ZNF215: variants seen among roughly 807,000 people sequenced by gnomAD.
The protein encoded by ZNF215 is zinc finger protein 215.
Under a neutral mutation model 27.2 loss-of-function variants are expected in ZNF215, and 24 were observed. The ratio of observed to expected loss-of-function variants is 0.88; its 90% CI spans 0.64 to 1.24. The LOEUF is 1.24. Among genes scored for constraint, ZNF215 ranks in the 50% most tolerant of loss-of-function variants. ZNF215 has a pLI of 0.00. For missense variants in ZNF215, 675 were observed against 605.7 expected (o/e 1.11, Z -1.20); for synonymous variants, 210 against 204.0 (o/e 1.03, Z -0.25).
At chr11:6,991,786 T>C (rs1172007655), downstream of ZNF215, among the ~76,000 whole-genome samples, 3 of 152,218 alleles carry the variant, frequency 2.0e-5, no homozygotes, top group Non-Finnish European at 4.4e-5. Context: ...CATTTGGTAA[T>C]ATTTTAATAC....
At chr11:6,989,859 C>T (rs996614679), downstream of ZNF215, among the ~76,000 whole-genome samples, 2 of 152,132 alleles carry the variant, frequency 1.3e-5, no homozygotes, top group African/African-American at 4.8e-5. Context: ...TGAGTATGCC[C>T]AGATAAACCA....
chr11:6,978,824 T>A (rs1850885469), intron 5 of ZNF215, among the ~76,000 whole-genome samples: 1 of 152,080 alleles, frequency 6.6e-6, no homozygotes, highest in Non-Finnish European at 1.5e-5. Flanking sequence ...TAATAAAATG[T>A]TGGAAATGTG....
chr11:6,983,789 A>G (rs79925733), intron 5 of ZNF215, among the ~76,000 whole-genome samples: 259 of 152,292 alleles, frequency 1.7e-3, no homozygotes, highest in African/African-American at 5.9e-3. Flanking sequence ...AAGTGCTAAT[A>G]TCTCTAACAT....
At chr11:6,945,759 A>G (rs1200108007) in intron 6 of ZNF215, among the ~76,000 whole-genome samples, 3 of 152,212 alleles carry the variant, frequency 2.0e-5, no homozygotes. Context: ...GAGTTTGTCA[A>G]TATTTAATCT....
At chr11:6,965,916 C>G (rs1442702590) in intron 5 of ZNF215, among the ~76,000 whole-genome samples, 1 of 152,078 alleles carries the variant, frequency 6.6e-6, no homozygotes, top group Non-Finnish European at 1.5e-5. Context: ...TAGACTAATG[C>G]TGGTATAATT....
chr11:6,962,859 C>T (rs751279712), downstream of ZNF215, among the ~76,000 whole-genome samples: 13 of 152,108 alleles, frequency 8.5e-5, no homozygotes, highest in Admixed American at 3.3e-4. Context: ...TTACCAATGA[C>T]GCTGATTGTA....
chr11:6,961,907 C>G (rs553652290), downstream of ZNF215, among the ~76,000 whole-genome samples: 1 of 152,224 alleles, frequency 6.6e-6, no homozygotes, highest in Admixed American at 6.5e-5. Context: ...GCCAATGTTT[C>G]CCCAACAGAA....
chr11:6,988,180 T>C (rs140041467), downstream of ZNF215: 23 of 985,184 alleles, frequency 2.3e-5, no homozygotes, highest in African/African-American at 3.8e-4. Context: ...TAGAGAATTA[T>C]ACCCATGACT....
intron 5 of ZNF215, among the ~76,000 whole-genome samples, chr11:6,983,660 A>G (rs562727066): frequency 6.6e-6 from 1 of 152,220 alleles, no homozygotes; most frequent in Non-Finnish European, 1.5e-5. Flanking sequence ...AATATTATGA[A>G]GTGGAAATAG....
At chr11:6,977,683 G>A (rs145596367) in intron 5 of ZNF215, among the ~76,000 whole-genome samples, 2 of 151,906 alleles carry the variant, frequency 1.3e-5, no homozygotes, top group African/African-American at 4.8e-5. Flanking sequence ...AACCAAACCT[G>A]CTGACACCTG....
At chr11:6,966,153 TATACCATTAA>T (rs537031804) in intron 5 of ZNF215, among the ~76,000 whole-genome samples, 125 of 152,252 alleles carry the variant, frequency 8.2e-4, no homozygotes, top group African/African-American at 2.9e-3. Flanking sequence ...CTTTCAAGAA[TATACCATTAA>T]ATATTACACA....
intron 6 of ZNF215, among the ~76,000 whole-genome samples, chr11:6,953,725 T>C (rs1850192625): frequency 6.6e-6 from 1 of 152,260 alleles, no homozygotes; most frequent in East Asian, 1.9e-4. Context: ...GAAGCCTTCT[T>C]CTCTCAACTC....
At chr11:6,970,425 G>T (rs1216168685) in intron 5 of ZNF215, among the ~76,000 whole-genome samples, 2 of 152,162 alleles carry the variant, frequency 1.3e-5, no homozygotes, top group African/African-American at 4.8e-5. Flanking sequence ...GGGGAAAATT[G>T]AACATGGACT....
chr11:6,975,714 T>C (rs1243269371), intron 5 of ZNF215, among the ~76,000 whole-genome samples: 3 of 152,122 alleles, frequency 2.0e-5, no homozygotes, highest in Admixed American at 2.0e-4. Flanking sequence ...TACGCCATTG[T>C]ATATATGTAC....
Position 6,967,601 on chromosome 11 carries a change from C to T in ZNF215, c.805+11819C>T, listed in dbSNP as rs879233370. ...ATATGCTTTTTAGCCACATAAATGT[C>T]GTATTTTGAGAGGCATCTGTTGATA... On this transcript the variant is annotated intron_variant, in intron 5 of 5. Transcript: ENST00000529903. 1.1e-4 allele frequency among the ~76,000 whole-genome samples: 17 copies of T among 152,126 alleles called. No homozygotes were observed. The South Asian group carries it at 1.2e-3, about 11-fold the overall frequency.
chr11:6,985,968 A>T (rs528608982), downstream of ZNF215, among the ~76,000 whole-genome samples: 3 of 152,310 alleles, frequency 2.0e-5, no homozygotes, highest in African/African-American at 4.8e-5. Flanking sequence ...GCAATTCACA[A>T]TTCAACACTA....
intron 3 of ZNF215, among the ~76,000 whole-genome samples, chr11:6,940,721 T>C (rs1393014638): frequency 6.6e-6 from 1 of 152,160 alleles, no homozygotes; most frequent in Non-Finnish European, 1.5e-5. Context: ...TTAAGATTTT[T>C]GGGGGGTTTC....
chr11:6,927,738 G>A lies in ZNF215; in HGVS notation c.-249G>A. On this transcript the variant is annotated 5_prime_UTR_variant, in exon 2 of 7. Transcript: ENST00000278319. Reference sequence around the variant, plus strand: ...TCTATCATCAAAACTATTCCACCTCGGAAATCTTACCTAAATGCAGCATGC... The same window carrying A: ...TCTATCATCAAAACTATTCCACCTCAGAAATCTTACCTAAATGCAGCATGC... 1 of 152,274 alleles carries A rather than the reference G, an allele frequency of 6.6e-6. No homozygotes were observed. The highest frequency in any genetic ancestry group is 1.5e-5 in the Non-Finnish European group (1 of 68,050). 9.4% of individuals were successfully genotyped at this position (152,274 alleles called of 1,614,324 possible). A position where few individuals can be genotyped will look rare whatever the true frequency, so the allele number is the denominator to read the frequency against.
At chr11:6,968,375 C>T (rs750624822) in intron 5 of ZNF215, among the ~76,000 whole-genome samples, 2 of 151,994 alleles carry the variant, frequency 1.3e-5, no homozygotes, top group Non-Finnish European at 1.5e-5. Context: ...TTACGTTGGG[C>T]GGTATGGCCA....
Sources: gnomAD v4.1 joint callset for allele counts (sites outside exome capture counted in the v4.1 genomes callset) on GRCh38, gnomAD v4.1.1 for gene constraint, MANE v1.5 for transcripts, NCBI Gene and HGNC (gene_info 2026-07-23, HGNC 2026-07-21) for gene names.